Variants in CCR6 observed in about 807,000 individuals in gnomAD.
CCR6 encodes C-C chemokine receptor type 6.
A neutral mutation model predicts 3.0 loss-of-function variants in CCR6; 2 were observed. The ratio of observed to expected loss-of-function variants is 0.66; its 90% confidence interval spans 0.27 to 2.07. CCR6 has a LOEUF of 2.07. CCR6 is among the 30% of genes most tolerant of loss of function. The pLI is 0.14. For synonymous variants in CCR6, 193 were observed against 184.3 expected (o/e 1.05, Z -0.38); for missense variants, 322 against 462.8 (o/e 0.70, Z 2.79).
chr6:167,122,576 G>A (rs1020361810), upstream of CCR6, among the ~76,000 whole-genome samples: 2 of 152,188 alleles, frequency 1.3e-5, no homozygotes, highest in African/African-American at 2.4e-5. This position sits in a 1 kb window ranked among gnomAD's most constrained non-coding sequence, Gnocchi z 4.2. Context: ...CTCGGCTTCC[G>A]TGGACGGGCA....
upstream of CCR6, among the ~76,000 whole-genome samples, chr6:167,117,910 C>T (rs1305067285): frequency 6.7e-6 from 1 of 149,534 alleles, no homozygotes; most frequent in Non-Finnish European, 1.5e-5. Context: ...TGCTCAAATT[C>T]TTCACTCTGC....
chr6:167,124,248 A>G lies in CCR6; in HGVS notation c.-98+1025A>G, dbSNP rs116149206. On this transcript the variant is annotated intron_variant, in intron 1 of 2. Transcript: ENST00000341935. ...CAGAAAACATAAAAGCAAACTTCCA[A>G]AGAAATTAAAGGAACTGAAAAAAAA... 1.9e-3 allele frequency among the ~76,000 whole-genome samples: 279 copies of G among 145,604 alleles called. 1 individual carries two copies. The highest frequency in any genetic ancestry group is 6.8e-3 in the African/African-American group (267 of 39,008).
At chr6:167,124,498 T>C (rs1423787086) in intron 1 of CCR6, among the ~76,000 whole-genome samples, 1 of 152,174 alleles carries the variant, frequency 6.6e-6, no homozygotes, top group Non-Finnish European at 1.5e-5. Context: ...ACCATTACAG[T>C]ATGCAAAACT....
intron 1 of CCR6, chr6:167,115,847 G>A (rs1372649024): frequency 6.6e-6 from 1 of 152,098 alleles, no homozygotes; most frequent in Non-Finnish European, 1.5e-5. Context: ...TGATTTTCAT[G>A]TCTCTTCTCA....
chr6:167,137,407 T>G lies in CCR6; in HGVS notation c.*52T>G, dbSNP rs373043902. The G allele has an allele frequency of 3.3e-6, 5 of 1,524,196 alleles. No individual in the cohort carries two copies. The highest frequency in any genetic ancestry group is 4.4e-6 in the Non-Finnish European group (5 of 1,137,186). 94.4% of individuals were successfully genotyped at this position (1,524,196 alleles called of 1,614,324 possible). A position where few individuals can be genotyped will look rare whatever the true frequency, so the allele number is the denominator to read the frequency against. On this transcript the variant is annotated 3_prime_UTR_variant, in exon 3 of 3. Transcript: ENST00000341935. This position sits in a 1 kb window ranked among gnomAD's most constrained non-coding sequence, Gnocchi z 4.6. ...GTGTGAAACATACTCATAGATGTTA[T>G]GCAAAAAAAAGTCTATGGCCAGGTA...
At chr6:167,120,210 T>C (rs546724536), upstream of CCR6, among the ~76,000 whole-genome samples, 7 of 152,226 alleles carry the variant, frequency 4.6e-5, no homozygotes, top group South Asian at 1.5e-3. Flanking sequence ...GTGGGAGCCA[T>C]GTCATCCGAA....
Position 167,137,554 on chromosome 6 carries a change from G to C in CCR6, c.*199G>C. ...GGTCTCTGATAGGTAGCATTTTCCA[G>C]CACTTTGCAAGGAATGTTTTGTAGC... is the stretch of plus-strand genomic sequence containing the variant. On this transcript the variant is annotated 3_prime_UTR_variant, in exon 3 of 3. Coordinates refer to ENST00000341935, the MANE Select transcript of CCR6 (RefSeq NM_031409.4). The surrounding 1 kb of genome is among the most constrained non-coding windows in gnomAD (Gnocchi z 4.6). The C allele has an allele frequency of 1.8e-6, 1 of 549,052 alleles. No homozygotes were observed. The highest frequency in any genetic ancestry group is 3.2e-6 in the Non-Finnish European group (1 of 312,882). 34.0% of individuals were successfully genotyped at this position (549,052 alleles called of 1,614,324 possible). A position where few individuals can be genotyped will look rare whatever the true frequency, so the allele number is the denominator to read the frequency against.
chr6:167,130,582 TG>T, intron 1 of CCR6, among the ~76,000 whole-genome samples: 1 of 151,902 alleles, frequency 6.6e-6, no homozygotes, highest in East Asian at 1.9e-4. Context: ...AACAGTGGCT[TG>T]GGGAAGGCCG....
At chr6:167,118,388 A>G (rs1781534336), upstream of CCR6, among the ~76,000 whole-genome samples, 1 of 152,252 alleles carries the variant, frequency 6.6e-6, no homozygotes, top group African/African-American at 2.4e-5. Context: ...AGTCATGTCA[A>G]GAATCTCCAA....
At position 167,137,763 on chromosome 6, in the gene CCR6, T is replaced by A. The variant is rs6931699; in HGVS notation, c.*408T>A. The A allele has an allele frequency of 0.029, 4,860 of 165,190 alleles. 96 individuals carry two copies. Among genetic ancestry groups the A allele is most frequent in the East Asian group, 0.06 (362 of 6,020 alleles). 10.2% of individuals were successfully genotyped at this position (165,190 alleles called of 1,614,324 possible). A position where few individuals can be genotyped will look rare whatever the true frequency, so the allele number is the denominator to read the frequency against. On this transcript the variant is annotated 3_prime_UTR_variant, in exon 3 of 3. Transcript: ENST00000341935. The surrounding 1 kb of genome is among the most constrained non-coding windows in gnomAD (Gnocchi z 4.6). ...TGAAAAACTAAAACAGAAAAAAAAA[T>A]GGAAGCCAACACATCACTCATTTTA...
At position 167,137,249 on chromosome 6, in the gene CCR6, A is replaced by G; in HGVS notation, c.1019A>G (p.Lys340Arg). The G allele has an allele frequency of 1.2e-6, 2 of 1,614,214 alleles. No homozygotes were observed. Among genetic ancestry groups the G allele is most frequent in the South Asian group, 1.1e-5 (1 of 91,078 alleles). ...AAGGACCTGTGGTGTGTGAGAAGGA[A>G]GTACAAGTCCTCAGGCTTCTCCTGT... is the stretch of plus-strand genomic sequence containing the variant. The part of the protein sequence containing the change: ...ILKDLWCVRR[K>R]YKSSGFSCAG... Residue 340 changes from lysine to arginine, a missense_variant, in exon 3 of 3, where the codon AAG (lysine) becomes AGG (arginine). Coordinates refer to ENST00000341935, the MANE Select transcript of CCR6 (RefSeq NM_031409.4). The surrounding 1 kb of genome is among the most constrained non-coding windows in gnomAD (Gnocchi z 4.6).
rs1476418410 is a variant in CCR6 at position 167,136,038 on chromosome 6, A to G, written c.-97A>G. The G allele has an allele frequency of 7.2e-7, 1 of 1,386,156 alleles. No individual in the cohort carries two copies. Among genetic ancestry groups the G allele is most frequent in the African/African-American group, 1.4e-5 (1 of 68,982 alleles). The allele number at this position is 1,386,156 out of a possible 1,614,324, so 85.9% of individuals were successfully genotyped here. On this transcript the variant is annotated splice_region_variant and 5_prime_UTR_variant, in exon 2 of 3. Coordinates refer to ENST00000341935, the MANE Select transcript of CCR6 (RefSeq NM_031409.4). The surrounding 1 kb of genome is among the most constrained non-coding windows in gnomAD (Gnocchi z 4.6). ...GCATTTTGCCTTCTTTCCTTCTTAG[A>G]GTCACCTCTACTTTCCTGCTACCGC... is the stretch of plus-strand genomic sequence containing the variant.
intron 1 of CCR6, among the ~76,000 whole-genome samples, chr6:167,114,429 C>G (rs950800302): frequency 1.3e-5 from 2 of 152,214 alleles, no homozygotes; most frequent in Admixed American, 6.5e-5. Flanking sequence ...CCTGGTCTAT[C>G]CACCCAGAAC....
At chr6:167,123,664 T>C (rs1156336692) in intron 1 of CCR6, among the ~76,000 whole-genome samples, 2 of 152,216 alleles carry the variant, frequency 1.3e-5, no homozygotes, top group Non-Finnish European at 2.9e-5. Flanking sequence ...CAGCCTAAGA[T>C]TGAGCAGGAA....
rs1263402382 is a variant in CCR6, at chr6:167,137,178, C to A, written c.948C>A (p.Tyr316Ter). 1 of 1,614,178 alleles carries A rather than the reference C, an allele frequency of 6.2e-7. No individual in the cohort carries two copies. Residue 316 changes from tyrosine (Y) to a stop codon, truncating the protein, a stop_gained, in exon 3 of 3, where the codon TAC (tyrosine) becomes TAA (stop). Coordinates refer to ENST00000341935, the MANE Select transcript of CCR6 (RefSeq NM_031409.4). LOFTEE classifies it low-confidence loss of function (END_TRUNC). The surrounding 1 kb of genome is among the most constrained non-coding windows in gnomAD (Gnocchi z 4.6). ...FLHCCLNPVL[Y>*]AFIGQKFRNY... ...ACTGCTGCCTGAACCCTGTGCTCTACGCTTTTATTGGGCAGAAGTTCAGAA... is the reference window on the plus strand; with the variant it reads ...ACTGCTGCCTGAACCCTGTGCTCTAAGCTTTTATTGGGCAGAAGTTCAGAA...
chr6:167,117,380 G>C (rs1256781691), intron 1 of CCR6, among the ~76,000 whole-genome samples: 2 of 148,892 alleles, frequency 1.3e-5, no homozygotes, highest in Non-Finnish European at 3.0e-5. Context: ...TCCTGGGTTT[G>C]CTGCTTACCG....
chr6:167,125,612 G>A (rs373463647), intron 1 of CCR6, among the ~76,000 whole-genome samples: 8 of 152,212 alleles, frequency 5.3e-5, no homozygotes, highest in African/African-American at 7.2e-5. Context: ...GTTGAAGGCC[G>A]GGGGGAGATG....
At chr6:167,112,644 G>A (rs747402274) in intron 1 of CCR6, among the ~76,000 whole-genome samples, 7 of 152,112 alleles carry the variant, frequency 4.6e-5, no homozygotes, top group African/African-American at 7.2e-5. Flanking sequence ...AATGAGGCTC[G>A]GTGGAGGGGC....
intron 1 of CCR6, among the ~76,000 whole-genome samples, chr6:167,124,678 C>T (rs983581051): frequency 1.3e-5 from 2 of 152,144 alleles, no homozygotes; most frequent in African/African-American, 4.8e-5. Flanking sequence ...CACTCGCTAT[C>T]TGTAAAATGG....
Sources: allele counts gnomAD v4.1 joint callset (sites outside exome capture counted in the v4.1 genomes callset), GRCh38; gene constraint gnomAD v4.1.1; non-coding constraint Gnocchi (gnomAD v3.1); transcripts MANE v1.5; gene names NCBI Gene and HGNC (gene_info 2026-07-23, HGNC 2026-07-21).